Variants in GHR observed in about 807,000 individuals in gnomAD.
The protein encoded by GHR is GH receptor.
GHR carries 35 observed loss-of-function variants against 67.1 expected under a neutral mutation model. The ratio of observed to expected loss-of-function variants is 0.52; its 90% CI spans 0.40 to 0.69. GHR has a LOEUF of 0.69. Among genes scored for constraint, GHR ranks in the 30% least tolerant of loss-of-function variants. The pLI, the probability that GHR is intolerant of heterozygous loss-of-function variation, is 0.00. For synonymous variants in GHR, 272 were observed against 269.1 expected, an observed-to-expected ratio of 1.01 and a Z score of -0.10; for missense variants, 792 against 764.6, an observed-to-expected ratio of 1.04 and a Z score of -0.42.
At chr5:42,658,004 AT>A (rs1459547257) in intron 3 of GHR, among the ~76,000 whole-genome samples, 1 of 152,234 alleles carries the variant, frequency 6.6e-6, no homozygotes, top group African/African-American at 2.4e-5. Context: ...TTAGTTTCTC[AT>A]TTTTTATGAG....
intron 1 of GHR, among the ~76,000 whole-genome samples, chr5:42,431,974 T>G (rs552412759): frequency 6.6e-6 from 1 of 152,202 alleles, no homozygotes; most frequent in African/African-American, 2.4e-5. Context: ...AATTCCCTGA[T>G]AGGGAACTGG....
intron 2 of GHR, among the ~76,000 whole-genome samples, chr5:42,611,733 A>G (rs1389719045): frequency 6.6e-6 from 1 of 152,174 alleles, no homozygotes; most frequent in Non-Finnish European, 1.5e-5. Flanking sequence ...CAGGAAAGAA[A>G]TGGCATTTCA....
chr5:42,492,571 G>A (rs186384471), intron 1 of GHR, among the ~76,000 whole-genome samples: 177 of 152,264 alleles, frequency 1.2e-3, no homozygotes, highest in African/African-American at 3.8e-3. Flanking sequence ...TTTATGTAAG[G>A]TTATTATATG....
chr5:42,498,084 T>C (rs1016007743), intron 1 of GHR, among the ~76,000 whole-genome samples: 2 of 152,214 alleles, frequency 1.3e-5, no homozygotes, highest in African/African-American at 2.4e-5. Context: ...CAGATATTCT[T>C]AGATTCTCTC....
intron 3 of GHR, among the ~76,000 whole-genome samples, chr5:42,683,800 C>T (rs143230078): frequency 5.3e-5 from 8 of 152,284 alleles, no homozygotes; most frequent in Admixed American, 4.6e-4. Context: ...CAGACACACA[C>T]GTCATCACAT....
intron 2 of GHR, among the ~76,000 whole-genome samples, chr5:42,584,753 A>T (rs924451406): frequency 2.0e-5 from 3 of 151,952 alleles, no homozygotes; most frequent in Admixed American, 1.3e-4. Context: ...TAGAACACTC[A>T]TACAGATTAT....
chr5:42,690,551 A>C (rs562071326), intron 4 of GHR, among the ~76,000 whole-genome samples: 21 of 152,336 alleles, frequency 1.4e-4, no homozygotes, highest in Admixed American at 3.9e-4. Flanking sequence ...ATGACTATAA[A>C]TTGTATAAGA....
intron 5 of GHR, 30 bp downstream of exon 5, chr5:42,695,119 A>G (rs148561268): frequency 1.3e-6 from 2 of 1,505,548 alleles, no homozygotes; most frequent in African/African-American, 1.4e-5. Context: ...TTCATTTGAC[A>G]TAGTTTTAGA....
intron 1 of GHR, among the ~76,000 whole-genome samples, chr5:42,510,977 T>A (rs1012323733): frequency 2.6e-5 from 4 of 152,250 alleles, no homozygotes; most frequent in African/African-American, 9.6e-5. Context: ...TTGCTATTCT[T>A]ACTCCTCTTG....
chr5:42,597,533 A>G (rs1752136642), intron 2 of GHR, among the ~76,000 whole-genome samples: 1 of 152,154 alleles, frequency 6.6e-6, no homozygotes, highest in South Asian at 2.1e-4. Flanking sequence ...ACTGGCATCC[A>G]TGGTTCCAGT....
At chr5:42,648,932 T>C (rs976839222) in intron 3 of GHR, among the ~76,000 whole-genome samples, 1 of 152,186 alleles carries the variant, frequency 6.6e-6, no homozygotes, top group African/African-American at 2.4e-5. Flanking sequence ...ACCTGACCAA[T>C]ATTTCTTATT....
intron 2 of GHR, among the ~76,000 whole-genome samples, chr5:42,608,727 T>TAA (rs1393871753): frequency 2.0e-5 from 3 of 152,164 alleles, no homozygotes; most frequent in African/African-American, 7.2e-5. Context: ...TTATTTTATG[T>TAA]AAAGAAAGTG....
intron 1 of GHR, among the ~76,000 whole-genome samples, chr5:42,433,328 T>C (rs550200396): frequency 7.2e-5 from 11 of 152,342 alleles, no homozygotes; most frequent in African/African-American, 2.4e-4. Context: ...CTTTGAAAAC[T>C]ACTTGGGAAA....
chr5:42,662,584 T>A (rs553763941), intron 3 of GHR, among the ~76,000 whole-genome samples: 1 of 152,134 alleles, frequency 6.6e-6, no homozygotes, highest in African/African-American at 2.4e-5. Flanking sequence ...CATACCAGAA[T>A]CTCTGGGACG....
At chr5:42,520,913 C>T (rs1747444102) in intron 1 of GHR, among the ~76,000 whole-genome samples, 1 of 152,168 alleles carries the variant, frequency 6.6e-6, no homozygotes, top group African/African-American at 2.4e-5. Flanking sequence ...CTTCTGGTCT[C>T]CGTTGCTCTC....
intron 6 of GHR, among the ~76,000 whole-genome samples, chr5:42,709,719 T>C (rs948600687): frequency 3.3e-5 from 5 of 152,096 alleles, no homozygotes; most frequent in Non-Finnish European, 1.5e-5. Context: ...AGAAGAAGTA[T>C]ATTATCTGGC....
chr5:42,610,179 T>A (rs1185503962), intron 2 of GHR, among the ~76,000 whole-genome samples: 1 of 152,184 alleles, frequency 6.6e-6, no homozygotes, highest in Non-Finnish European at 1.5e-5. Context: ...AAGGGCAACA[T>A]GAGGAGTCAA....
rs534186477 is a variant in GHR, at chr5:42,708,091, G to A, written c.619-3116G>A. Among the ~76,000 whole-genome samples, 16 of 152,102 alleles carry A rather than the reference G, an allele frequency of 1.1e-4. No individual in the cohort carries two copies. In the South Asian group the frequency reaches 3.3e-3, roughly 31 times the overall value. On this transcript the variant is annotated intron_variant, in intron 6 of 9. Transcript: ENST00000230882. ...TAAGATAGGTCTGTTGGTGAGGAATGGTTAATTTAAATATAACAAAGTACA... is the reference window on the plus strand; with the variant it reads ...TAAGATAGGTCTGTTGGTGAGGAATAGTTAATTTAAATATAACAAAGTACA...
At chr5:42,492,343 AAATT>A in intron 1 of GHR, among the ~76,000 whole-genome samples, 1 of 152,220 alleles carries the variant, frequency 6.6e-6, no homozygotes. Context: ...GTATAAATAA[AAATT>A]AAAGTGAAAA....
Sources: gnomAD v4.1 joint callset for allele counts (sites outside exome capture counted in the v4.1 genomes callset) on GRCh38, gnomAD v4.1.1 for gene constraint, MANE v1.5 for transcripts, NCBI Gene and HGNC (gene_info 2026-07-23, HGNC 2026-07-21) for gene names.